TRAK1: variants seen among roughly 807,000 people sequenced by gnomAD.
TRAK1 encodes the protein trafficking kinesin-binding protein 1.
Under a neutral mutation model 92.1 loss-of-function variants are expected in TRAK1, and 33 were observed. The observed-to-expected ratio is 0.36, with a 90% CI of 0.27 to 0.48. The LOEUF is 0.48. Ranked by LOEUF, TRAK1 falls within the 20% of genes least tolerant of loss-of-function variation. TRAK1 has a pLI of 0.99. For missense variants in TRAK1, 1,123 were observed against 1,257.9 expected, an observed-to-expected ratio of 0.89 and a Z score of 1.62; for synonymous variants, 521 against 517.3, an observed-to-expected ratio of 1.01 and a Z score of -0.10.
At chr3:42,158,089 A>C (rs113515876) in intron 2 of TRAK1, among the ~76,000 whole-genome samples, 2 of 152,320 alleles carry the variant, frequency 1.3e-5, no homozygotes, top group Middle Eastern at 6.8e-3. Context: ...AAAAGTAATG[A>C]AGTCATGTTC....
At chr3:42,017,168 G>A (rs1701558055) in intron 1 of TRAK1, among the ~76,000 whole-genome samples, 1 of 152,326 alleles carries the variant, frequency 6.6e-6, no homozygotes, top group East Asian at 1.9e-4. Context: ...GGCTGAGGTA[G>A]GAGAATTGCT....
chr3:42,194,773 T>C, intron 9 of TRAK1, 31 bp from the exon 10 acceptor site: 1 of 1,610,812 alleles, frequency 6.2e-7, no homozygotes, highest in Non-Finnish European at 8.5e-7. Flanking sequence ...GCTCAGGAGA[T>C]CCTGACCCTC....
chr3:42,220,976 C>G (rs916291636), intron 15 of TRAK1, among the ~76,000 whole-genome samples: 18 of 152,032 alleles, frequency 1.2e-4, no homozygotes, highest in Middle Eastern at 3.4e-3. Flanking sequence ...GATGGCACTC[C>G]TGACTGTAGC....
intron 2 of TRAK1, among the ~76,000 whole-genome samples, chr3:42,148,518 A>C (rs1366353659): frequency 6.6e-6 from 1 of 152,226 alleles, no homozygotes; most frequent in Non-Finnish European, 1.5e-5. Flanking sequence ...TTATAAGGAA[A>C]GTTTTAAAAC....
intron 13 of TRAK1, among the ~76,000 whole-genome samples, chr3:42,207,123 C>A (rs949092046): frequency 6.6e-6 from 1 of 152,114 alleles, no homozygotes; most frequent in Admixed American, 6.5e-5. Context: ...GTGACGTGGC[C>A]ATATTGTACA....
intron 1 of TRAK1, among the ~76,000 whole-genome samples, chr3:42,124,148 A>G (rs987272555): frequency 1.2e-4 from 19 of 152,262 alleles, no homozygotes; most frequent in African/African-American, 4.1e-4. Context: ...AAAAAAAAAA[A>G]AAAGAATCAA....
chr3:42,144,275 AAAAG>A (rs954325447), intron 2 of TRAK1, among the ~76,000 whole-genome samples: 9 of 152,292 alleles, frequency 5.9e-5, no homozygotes, highest in African/African-American at 2.2e-4. Flanking sequence ...CTTAAAAAAA[AAAAG>A]AAAGATTAGA....
intron 1 of TRAK1, among the ~76,000 whole-genome samples, chr3:42,061,149 A>G (rs933552818): frequency 1.3e-5 from 2 of 152,178 alleles, no homozygotes; most frequent in Non-Finnish European, 2.9e-5. Context: ...AAAAGTTACA[A>G]AAAGTGTGCA....
chr3:42,019,284 A>C (rs1701646119), intron 1 of TRAK1, among the ~76,000 whole-genome samples: 1 of 152,124 alleles, frequency 6.6e-6, no homozygotes. Context: ...TACAATAAAA[A>C]AGTGCTTTTT....
intron 1 of TRAK1, among the ~76,000 whole-genome samples, chr3:42,039,830 A>G (rs964987469): frequency 5.9e-5 from 9 of 152,154 alleles, no homozygotes; most frequent in Admixed American, 2.0e-4. Context: ...ACCATTTTAC[A>G]TTTCCACCAG....
chr3:42,066,716 C>G (rs1389916555), intron 1 of TRAK1, among the ~76,000 whole-genome samples: 1 of 152,232 alleles, frequency 6.6e-6, no homozygotes, highest in Non-Finnish European at 1.5e-5. Context: ...AGCCCACTCA[C>G]TCTAAGGCCA....
intron 2 of TRAK1, among the ~76,000 whole-genome samples, chr3:42,164,802 G>A (rs945453652): frequency 2.0e-5 from 3 of 152,114 alleles, no homozygotes; most frequent in Admixed American, 6.6e-5. Flanking sequence ...TCTGCTTTTC[G>A]CAATCCCTCT....
At chr3:42,050,570 G>C (rs1418511363) in intron 1 of TRAK1, among the ~76,000 whole-genome samples, 1 of 152,104 alleles carries the variant, frequency 6.6e-6, no homozygotes, top group African/African-American at 2.4e-5. Context: ...GCTTTGTCTA[G>C]CTGTTTTTTC....
At position 42,223,509 on chromosome 3, in the gene TRAK1, G is replaced by A. The variant is rs370538765; in HGVS notation, c.2634G>A (p.Pro878=). 2.2e-5 allele frequency: 36 copies of A among 1,613,398 alleles called. No individual in the cohort carries two copies. Among genetic ancestry groups the A allele is most frequent in the African/African-American group, 6.7e-5 (5 of 74,900 alleles). The change falls in exon 16 of 16, where the codon CCG becomes CCA. Residue 878 remains proline, a synonymous_variant. Coordinates refer to ENST00000327628, the MANE Select transcript of TRAK1 (RefSeq NM_001042646.3). This position sits in a 1 kb window ranked among gnomAD's most constrained non-coding sequence, Gnocchi z 6.1. ...AGGGACCCCTCCTCTGTGGGCCCCCGGGGCCAGCACCAGCCCTTGTTCCCA... is the reference window on the plus strand; with the variant it reads ...AGGGACCCCTCCTCTGTGGGCCCCCAGGGCCAGCACCAGCCCTTGTTCCCA... ...EEQGPLLCGP[P]GPAPALVPRG...
chr3:42,120,065 A>T (rs1041184875), intron 1 of TRAK1, among the ~76,000 whole-genome samples: 14 of 152,148 alleles, frequency 9.2e-5, no homozygotes, highest in Non-Finnish European at 1.8e-4. Flanking sequence ...AAAATAAATA[A>T]ATAAAAAGCT....
chr3:42,022,929 C>T (rs1277055242), intron 1 of TRAK1, among the ~76,000 whole-genome samples: 7 of 151,856 alleles, frequency 4.6e-5, no homozygotes. Context: ...GAGGCTGAGG[C>T]TGGCGGATCA....
intron 3 of TRAK1, among the ~76,000 whole-genome samples, chr3:42,180,133 A>C (rs1420470475): frequency 6.6e-6 from 1 of 152,154 alleles, no homozygotes; most frequent in Non-Finnish European, 1.5e-5. Context: ...GAAAAACCCA[A>C]CCAGCTTGTT....
chr3:42,212,305 A>G, intron 14 of TRAK1: 1 of 985,410 alleles, frequency 1.0e-6, no homozygotes, highest in Non-Finnish European at 1.2e-6. Flanking sequence ...AAACAGCACT[A>G]TCCCAGGAAC....
At chr3:42,013,695 C>T (rs1347979752), upstream of TRAK1, 1 of 147,402 alleles carries the variant, frequency 6.8e-6, no homozygotes, top group Non-Finnish European at 1.5e-5. The surrounding 1 kb of genome is among the most constrained non-coding windows in gnomAD (Gnocchi z 5.1). Flanking sequence ...GCAACAGTGC[C>T]CGCGTCCGCA....
Sources: allele counts gnomAD v4.1 joint callset (sites outside exome capture counted in the v4.1 genomes callset), GRCh38; gene constraint gnomAD v4.1.1; non-coding constraint Gnocchi (gnomAD v3.1); transcripts MANE v1.5; gene names NCBI Gene and HGNC (gene_info 2026-07-23, HGNC 2026-07-21).